Variants in FAM20A observed in about 807,000 individuals in gnomAD.
The protein encoded by FAM20A is pseudokinase FAM20A.
In FAM20A, 42 loss-of-function variants were observed where a neutral mutation model predicts 52.0. The ratio of observed to expected loss-of-function variants is 0.81; its 90% CI spans 0.63 to 1.04. FAM20A has a LOEUF of 1.04. Among genes scored for constraint, FAM20A ranks in the 50% least tolerant of loss-of-function variants. The pLI, the probability that FAM20A is intolerant of heterozygous loss-of-function variation, is 0.00. For missense variants in FAM20A, 742 were observed against 712.7 expected (o/e 1.04, Z -0.47); for synonymous variants, 304 against 298.9 (o/e 1.02, Z -0.18).
chr17:68,563,377 A>G (rs2087276579), intron 1 of FAM20A, among the ~76,000 whole-genome samples: 1 of 100,862 alleles, frequency 9.9e-6, no homozygotes, highest in Non-Finnish European at 2.0e-5. Flanking sequence ...CAAGAGTGAG[A>G]CTCCGTCTCA....
At chr17:68,599,138 C>T (rs1056031608) in intron 1 of FAM20A, among the ~76,000 whole-genome samples, 3 of 152,132 alleles carry the variant, frequency 2.0e-5, no homozygotes, top group African/African-American at 7.2e-5. Flanking sequence ...CCTTCAATCT[C>T]AGCATTACAA....
chr17:68,553,731 AATACATATATATACACATATAT>A (rs945665084), intron 3 of FAM20A, among the ~76,000 whole-genome samples: 3 of 151,472 alleles, frequency 2.0e-5, no homozygotes, highest in Non-Finnish European at 2.9e-5. Context: ...CAGTGATTCT[AATACATATATATACACATATAT>A]ATACATATAT....
At chr17:68,545,091 C>G (rs961130858) in intron 4 of FAM20A, among the ~76,000 whole-genome samples, 1 of 151,998 alleles carries the variant, frequency 6.6e-6, no homozygotes, top group Non-Finnish European at 1.5e-5. Context: ...AAATGGTGTT[C>G]GCCTTAAATT....
intron 1 of FAM20A, 60 bp from the exon 2 acceptor site, chr17:68,555,803 C>T: frequency 6.4e-7 from 1 of 1,572,654 alleles, no homozygotes. Context: ...CACCAAGATA[C>T]CTTGTCTGCA....
chr17:68,588,299 A>G (rs2088214399), intron 1 of FAM20A, among the ~76,000 whole-genome samples: 1 of 152,208 alleles, frequency 6.6e-6, no homozygotes, highest in Non-Finnish European at 1.5e-5. Flanking sequence ...TAAGGAAGGA[A>G]AGGCCAAGAG....
rs1204967089 is a variant in FAM20A, at chr17:68,537,794, T to TG, written c.1362-54dup. On this transcript the variant is annotated intron_variant, in intron 10 of 10. Coordinates refer to ENST00000592554, the MANE Select transcript of FAM20A (RefSeq NM_017565.4). The surrounding 1 kb of genome is among the most constrained non-coding windows in gnomAD (Gnocchi z 4.2). ...ATAAGCAAATGTAAAGAAAATAACT[T>TG]GCCTGAACTTCTTTCCCCACAAACA... 1.6e-5 allele frequency: 25 copies of TG among 1,559,686 alleles called. No individual in the cohort carries two copies. The highest frequency in any genetic ancestry group is 1.9e-5 in the Non-Finnish European group (22 of 1,150,240).
intron 1 of FAM20A, among the ~76,000 whole-genome samples, chr17:68,566,081 C>G (rs1043769026): frequency 1.2e-4 from 18 of 152,190 alleles, no homozygotes; most frequent in African/African-American, 3.9e-4. Context: ...ACTTTCATCT[C>G]CAGAAATTCC....
intron 1 of FAM20A, among the ~76,000 whole-genome samples, chr17:68,582,740 C>G (rs929326014): frequency 6.7e-6 from 1 of 149,674 alleles, no homozygotes; most frequent in African/African-American, 2.5e-5. Context: ...GGAAATGAGC[C>G]TTGGCCCTGC....
rs577248284 is a variant in FAM20A at position 68,554,397 on chromosome 17, G to A, written c.640+380C>T. 1.3e-3 allele frequency among the ~76,000 whole-genome samples: 196 copies of A among 152,186 alleles called. 2 individuals are homozygous for A. Among genetic ancestry groups the A allele is most frequent in the Middle Eastern group, 0.01 (3 of 294 alleles). On this transcript the variant is annotated intron_variant, in intron 3 of 10. Transcript: ENST00000592554. Reference sequence around the variant, plus strand: ...ATTACAGGTGTGAGCCACTGAGCCCGGCTGATTCTAATATTTTGTCAATAG... The same window carrying A: ...ATTACAGGTGTGAGCCACTGAGCCCAGCTGATTCTAATATTTTGTCAATAG...
rs1408443398 is a variant in FAM20A at position 68,575,753 on chromosome 17, ATATATTT to A, written c.405-20017_405-20011del. ...ATATATTATATATTTTATATATTATATATATTTTATATTTTATATATTGTATATTTTA... is the reference window on the plus strand; with the variant it reads ...ATATATTATATATTTTATATATTATATATATTTTATATATTGTATATTTTA... On this transcript the variant is annotated intron_variant, in intron 1 of 10. Transcript: ENST00000592554. Among the ~76,000 whole-genome samples, 17 of 114,978 alleles carry A rather than the reference ATATATTT, an allele frequency of 1.5e-4. No homozygotes were observed. In the South Asian group the frequency reaches 2.5e-3, roughly 17 times the overall value. The allele number at this position is 114,978 out of a possible 152,430, so 75.4% of individuals were successfully genotyped here.
Position 68,536,673 on chromosome 17 carries a change from A to C in FAM20A, c.*804T>G. ...TCAGCCTTGGCTCTTTTCCTGCCTT[A>C]CTCCAGGCTTGTGTCCCTGCTAGGC... On this transcript the variant is annotated 3_prime_UTR_variant, in exon 11 of 11. Transcript: ENST00000592554. 2.2e-6 allele frequency: 1 copy of C among 452,428 alleles called. No homozygotes were observed. The highest frequency in any genetic ancestry group is 4.4e-6 in the Non-Finnish European group (1 of 226,408). The allele number at this position is 452,428 out of a possible 1,614,324, so 28.0% of individuals were successfully genotyped here. A position where few individuals can be genotyped will look rare whatever the true frequency, so the allele number is the denominator to read the frequency against.
chr17:68,546,351 G>C (rs1379477982), intron 4 of FAM20A, among the ~76,000 whole-genome samples: 4 of 151,902 alleles, frequency 2.6e-5, no homozygotes, highest in Non-Finnish European at 5.9e-5. Context: ...CATGGGGATT[G>C]AGATCAATCT....
At chr17:68,595,387 G>A (rs988028298) in intron 1 of FAM20A, among the ~76,000 whole-genome samples, 6 of 152,130 alleles carry the variant, frequency 3.9e-5, no homozygotes, top group Non-Finnish European at 4.4e-5. Context: ...GATAATGGCC[G>A]TCTGGACCAG....
intron 3 of FAM20A, among the ~76,000 whole-genome samples, chr17:68,554,379 G>A (rs987558047): frequency 6.6e-6 from 1 of 152,154 alleles, no homozygotes; most frequent in African/African-American, 2.4e-5. Flanking sequence ...GGGATTACAG[G>A]TGTGAGCCAC....
rs1005191068 is a variant in FAM20A, at chr17:68,568,285, C to T, written c.405-12542G>A. ...GAGATCAAGACCATCCTGGCTAACA[C>T]GGTGAAACCCCGTCTCTACTAAAAA... On this transcript the variant is annotated intron_variant, in intron 1 of 10. Transcript: ENST00000592554. Among the ~76,000 whole-genome samples, 10 of 151,672 alleles carry T rather than the reference C, an allele frequency of 6.6e-5. 1 individual carries two copies. Among genetic ancestry groups the T allele is most frequent in the South Asian group, 4.2e-4 (2 of 4,810 alleles).
Position 68,537,352 on chromosome 17 carries a change from T to C in FAM20A, c.*125A>G, listed in dbSNP as rs749948248. On this transcript the variant is annotated 3_prime_UTR_variant, in exon 11 of 11. Transcript: ENST00000592554. The surrounding 1 kb of genome is among the most constrained non-coding windows in gnomAD (Gnocchi z 4.2). ...GCCCCACTTGCTGTTTGAGAAAATG[T>C]CCTGCTTCCTTCCTAGCTGACTTGA... is the stretch of plus-strand genomic sequence containing the variant. 8.1e-7 allele frequency: 1 copy of C among 1,238,070 alleles called. No homozygotes were observed. Among genetic ancestry groups the C allele is most frequent in the East Asian group, 2.4e-5 (1 of 42,064 alleles). 76.7% of individuals were successfully genotyped at this position (1,238,070 alleles called of 1,614,324 possible).
At chr17:68,581,616 C>T (rs1200493787) in intron 1 of FAM20A, among the ~76,000 whole-genome samples, 1 of 144,322 alleles carries the variant, frequency 6.9e-6, no homozygotes, top group Non-Finnish European at 1.5e-5. Context: ...CACTCTGTTG[C>T]CCAGGCTGGA....
At chr17:68,594,527 G>A (rs531962138) in intron 1 of FAM20A, among the ~76,000 whole-genome samples, 1 of 152,194 alleles carries the variant, frequency 6.6e-6, no homozygotes, top group Admixed American at 6.5e-5. Context: ...GTCCAGCTTG[G>A]TGTGGCTGTA....
At chr17:68,594,278 A>G (rs1255085410) in intron 1 of FAM20A, among the ~76,000 whole-genome samples, 1 of 151,748 alleles carries the variant, frequency 6.6e-6, no homozygotes, top group Non-Finnish European at 1.5e-5. Context: ...GGGCGCCTGT[A>G]GTCCCAGCTA....
Sources: allele counts gnomAD v4.1 joint callset (sites outside exome capture counted in the v4.1 genomes callset), GRCh38; gene constraint gnomAD v4.1.1; non-coding constraint Gnocchi (gnomAD v3.1); transcripts MANE v1.5; gene names NCBI Gene and HGNC (gene_info 2026-07-23, HGNC 2026-07-21).